The following FGF13 variants were observed in gnomAD, a reference collection of about 807,000 sequenced individuals.
The protein encoded by FGF13 is fibroblast growth factor 13.
FGF13 carries 2 observed loss-of-function variants against 19.5 expected under a neutral mutation model. The observed-to-expected ratio is 0.10, with a 90% confidence interval of 0.04 to 0.32. The LOEUF (loss-of-function observed/expected upper bound fraction) is 0.32. Ranked by LOEUF, FGF13 falls within the 10% of genes least tolerant of loss-of-function variation. The pLI, the probability that FGF13 is intolerant of heterozygous loss-of-function variation, is 1.00. For synonymous variants in FGF13, 72 were observed against 76.9 expected (o/e 0.94, Z 0.33); for missense variants, 113 against 192.7 (o/e 0.59, Z 2.45).
chrX:138,734,377 G>A (rs2090256945), intron 1 of FGF13, among the ~76,000 whole-genome samples: 1 of 111,235 alleles, frequency 9.0e-6, no homozygotes, highest in Admixed American at 9.6e-5. Flanking sequence ...AATGACATGT[G>A]TAGTTACTCT....
intron 1 of FGF13, among the ~76,000 whole-genome samples, chrX:139,038,993 A>C (rs1370031960): frequency 1.8e-5 from 2 of 112,352 alleles, no homozygotes; most frequent in Non-Finnish European, 3.8e-5. Flanking sequence ...CATTTTACAG[A>C]AAGGGAAGCC....
intron 1 of FGF13, among the ~76,000 whole-genome samples, chrX:139,028,648 TGTGAGAGA>T (rs1569443945): frequency 3.9e-5 from 2 of 51,806 alleles, no homozygotes; most frequent in African/African-American, 1.5e-4. Context: ...TGTGTGTGTG[TGTGAGAGA>T]GAGAGAGAAA....
intron 1 of FGF13, among the ~76,000 whole-genome samples, chrX:139,064,869 C>A (rs1469780918): frequency 9.0e-6 from 1 of 111,390 alleles, no homozygotes; most frequent in Non-Finnish European, 1.9e-5. Flanking sequence ...TTGTTCGTTT[C>A]TTTTCATTCT....
intron 3 of FGF13, among the ~76,000 whole-genome samples, chrX:138,821,660 A>G (rs2091000521): frequency 8.9e-6 from 1 of 112,000 alleles, no homozygotes; most frequent in African/African-American, 3.2e-5. Flanking sequence ...TACGTTCACC[A>G]GTTTCTTTTT....
At chrX:138,820,451 T>C (rs1602911804) in intron 3 of FGF13, among the ~76,000 whole-genome samples, 1 of 112,035 alleles carries the variant, frequency 8.9e-6, no homozygotes, top group East Asian at 2.8e-4. Flanking sequence ...AATCAATATT[T>C]TGGGTTTGGG....
chrX:138,918,253 T>C (rs1399835044), intron 1 of FGF13, among the ~76,000 whole-genome samples: 1 of 111,454 alleles, frequency 9.0e-6, no homozygotes, highest in Non-Finnish European at 1.9e-5. Context: ...TTGTTATTCG[T>C]ACATACTCTG....
rs139681548 is a variant in FGF13 at position 138,696,469 on chromosome X, T to C, written c.402+6515A>G. On this transcript the variant is annotated intron_variant, in intron 3 of 4. Transcript: ENST00000315930. ...ACAACTGAATTGTACACACTTTAAATGGATAAATTTAAGATCTGTGAACTA... is the reference window on the plus strand; with the variant it reads ...ACAACTGAATTGTACACACTTTAAACGGATAAATTTAAGATCTGTGAACTA... 6.1e-3 allele frequency among the ~76,000 whole-genome samples: 682 copies of C among 111,748 alleles called. 3 individuals carry two copies. The highest frequency in any genetic ancestry group is 0.027 in the South Asian group (72 of 2,660).
At chrX:138,659,747 T>C (rs1181866463) in intron 3 of FGF13, among the ~76,000 whole-genome samples, 1 of 112,032 alleles carries the variant, frequency 8.9e-6, no homozygotes, top group Non-Finnish European at 1.9e-5. Flanking sequence ...AATGCGTTCA[T>C]GTCCTTTGCA....
chrX:138,792,329 A>G (rs756808873), intron 3 of FGF13, among the ~76,000 whole-genome samples: 10 of 112,348 alleles, frequency 8.9e-5, no homozygotes, highest in Non-Finnish European at 1.7e-4. Flanking sequence ...TTAGGAAACT[A>G]AGGTTTAGAG....
intron 1 of FGF13, among the ~76,000 whole-genome samples, chrX:138,917,234 G>A (rs1045436386): frequency 4.5e-5 from 5 of 111,689 alleles, no homozygotes; most frequent in Non-Finnish European, 7.5e-5. Flanking sequence ...GCCCTAACCT[G>A]CAATGTGATG....
intron 3 of FGF13, among the ~76,000 whole-genome samples, chrX:138,762,425 A>G (rs781132868): frequency 1.5e-4 from 17 of 112,577 alleles, no homozygotes; most frequent in Non-Finnish European, 3.2e-4. Flanking sequence ...TGTGAGAACT[A>G]GATTTTTTGG....
upstream of FGF13, among the ~76,000 whole-genome samples, chrX:138,741,252 A>G (rs1244802306): frequency 8.9e-6 from 1 of 111,878 alleles, no homozygotes; most frequent in Non-Finnish European, 1.9e-5. Flanking sequence ...AGGTCTAATC[A>G]AGAGACTCAG....
chrX:138,907,422 G>C (rs746751558), intron 1 of FGF13, among the ~76,000 whole-genome samples: 1 of 111,633 alleles, frequency 9.0e-6, no homozygotes, highest in Non-Finnish European at 1.9e-5. Flanking sequence ...TAAAGTTCAG[G>C]CTGCAGCTGG....
chrX:138,868,987 G>T (rs112159236), intron 1 of FGF13, among the ~76,000 whole-genome samples: 13,323 of 110,613 alleles, frequency 0.12, 1,974 homozygotes, highest in African/African-American at 0.41. Context: ...AAATGTTGCT[G>T]GAAAATTATA....
intron 1 of FGF13, among the ~76,000 whole-genome samples, chrX:139,110,458 G>A (rs976468670): frequency 1.8e-5 from 2 of 109,985 alleles, no homozygotes; most frequent in African/African-American, 3.3e-5. Flanking sequence ...AGTCTCACGA[G>A]ATCTGACGGT....
At position 139,073,372 on chromosome X, in the gene FGF13, A is replaced by G. The variant is rs1291141788; in HGVS notation, c.-113+130044T>C. Among the ~76,000 whole-genome samples the G allele has an allele frequency of 3.6e-5, 4 of 111,287 alleles. No individual in the cohort carries two copies. In the East Asian group the frequency reaches 8.5e-4, roughly 24 times the overall value. On this transcript the variant is annotated intron_variant, in intron 1 of 2. Transcript: ENST00000421460. ...TCAGTTGTGAGTAAGGGATAATAATAAAAATAATAATATCATAAGAGCTGT... is the reference window on the plus strand; with the variant it reads ...TCAGTTGTGAGTAAGGGATAATAATGAAAATAATAATATCATAAGAGCTGT...
Position 138,629,911 on chromosome X carries a change from T to C in FGF13, c.*2939A>G, listed in dbSNP as rs1008630156. 1.8e-5 allele frequency: 2 copies of C among 111,387 alleles called. No individual in the cohort carries two copies. Among genetic ancestry groups the C allele is most frequent in the African/African-American group, 3.3e-5 (1 of 30,582 alleles). 9.2% of individuals were successfully genotyped at this position (111,387 alleles called of 1,213,427 possible). A position where few individuals can be genotyped will look rare whatever the true frequency, so the allele number is the denominator to read the frequency against. ...CTGAGACCCAATAGTATTTGAAGTG[T>C]TTCCCACAACTATTTGACTAGAGTC... On this transcript the variant is annotated 3_prime_UTR_variant, in exon 5 of 5. Coordinates refer to ENST00000315930, the MANE Select transcript of FGF13 (RefSeq NM_004114.5).
intron 3 of FGF13, among the ~76,000 whole-genome samples, chrX:138,686,448 T>G (rs1569364108): frequency 8.9e-6 from 1 of 112,023 alleles, no homozygotes; most frequent in Non-Finnish European, 1.9e-5. Flanking sequence ...TTCATTTTTC[T>G]TGACTTGCAA....
chrX:139,008,521 C>T (rs762459747), intron 1 of FGF13, among the ~76,000 whole-genome samples: 2 of 112,292 alleles, frequency 1.8e-5, no homozygotes, highest in Admixed American at 9.4e-5. Flanking sequence ...GATCACATCA[C>T]GGGACTCTTT....
Sources: gnomAD v4.1 joint callset for allele counts (sites outside exome capture counted in the v4.1 genomes callset) on GRCh38, gnomAD v4.1.1 for gene constraint, MANE v1.5 for transcripts, NCBI Gene and HGNC (gene_info 2026-07-23, HGNC 2026-07-21) for gene names.